Variants in SUSD1 observed in about 807,000 individuals in gnomAD.
SUSD1 encodes sushi domain-containing protein 1.
A neutral mutation model predicts 86.9 loss-of-function variants in SUSD1; 65 were observed. The ratio of observed to expected loss-of-function variants is 0.75; its 90% CI spans 0.61 to 0.92. The LOEUF (loss-of-function observed/expected upper bound fraction) is 0.92, where lower values mean the gene tolerates loss of function less well. SUSD1 is among the 40% of genes least tolerant of loss of function. The pLI, the probability that SUSD1 is intolerant of heterozygous loss-of-function variation, is 0.00. For missense variants in SUSD1, 850 were observed against 929.7 expected (o/e 0.91, Z 1.11); for synonymous variants, 346 against 350.0 (o/e 0.99, Z 0.13).
chr9:112,145,277 C>G (rs958414805), intron 3 of SUSD1, among the ~76,000 whole-genome samples: 1 of 125,210 alleles, frequency 8.0e-6, no homozygotes, highest in African/African-American at 3.1e-5. Context: ...ACCATAATTT[C>G]CTTTTTTTTT....
intron 9 of SUSD1, among the ~76,000 whole-genome samples, chr9:112,099,902 A>C (rs1830554259): frequency 6.6e-6 from 1 of 152,122 alleles, no homozygotes; most frequent in South Asian, 2.1e-4. Context: ...AAACCATCAA[A>C]TGTTGGCCTC....
chr9:112,100,062 T>C (rs940203806), intron 9 of SUSD1, among the ~76,000 whole-genome samples: 1 of 152,242 alleles, frequency 6.6e-6, no homozygotes. Context: ...TAGTGAGGCA[T>C]AATGTGTTCA....
intron 5 of SUSD1, among the ~76,000 whole-genome samples, chr9:112,128,050 G>A (rs1015745321): frequency 3.3e-5 from 5 of 151,238 alleles, no homozygotes; most frequent in African/African-American, 4.9e-5. Context: ...CAATCTTACC[G>A]GCCTCAACTT....
intron 8 of SUSD1, among the ~76,000 whole-genome samples, chr9:112,105,248 A>G (rs1044933536): frequency 6.6e-6 from 1 of 152,192 alleles, no homozygotes; most frequent in Non-Finnish European, 1.5e-5. Flanking sequence ...AAGGCAGAGG[A>G]AAAAGACATG....
rs373089952 is a variant in SUSD1, at chr9:112,058,584, T to C, written c.1953A>G (p.Gly651=). 42 of 1,613,978 alleles carry C rather than the reference T, an allele frequency of 2.6e-5. No homozygotes were observed. The highest frequency in any genetic ancestry group is 3.5e-5 in the Non-Finnish European group (41 of 1,180,006). The change falls in exon 14 of 17, where the codon GGA becomes GGG. Residue 651 remains glycine, a synonymous_variant. Transcript: ENST00000374270. The part of the protein sequence containing the change: ...SFFSNASDAD[G]YVAAELLAKD... ...TGGCCAGTAGTTCTGCAGCCACGTA[T>C]CCATCAGCATCAGAGGCGTTGCTAA...
intron 1 of SUSD1, among the ~76,000 whole-genome samples, chr9:112,163,799 G>A (rs1833667452): frequency 6.6e-6 from 1 of 151,676 alleles, no homozygotes; most frequent in East Asian, 1.9e-4. Flanking sequence ...AGGAGTTTGA[G>A]ACCAGCCTGG....
chr9:112,142,701 C>T, intron 4 of SUSD1: 2 of 528,244 alleles, frequency 3.8e-6, no homozygotes, highest in Non-Finnish European at 6.6e-6. Flanking sequence ...ATAGGTAAAG[C>T]ATCTATACAT....
chr9:112,111,890 T>G, intron 7 of SUSD1, 50 bp from the exon 8 acceptor site: 1 of 1,587,892 alleles, frequency 6.3e-7, no homozygotes. Flanking sequence ...GTCAAAACAA[T>G]CCAGGATTTG....
chr9:112,075,393 G>T (rs1436305649), intron 12 of SUSD1, among the ~76,000 whole-genome samples: 1 of 151,892 alleles, frequency 6.6e-6, no homozygotes, highest in African/African-American at 2.4e-5. Flanking sequence ...TCCTATTTTA[G>T]TGGGAGAGAA....
At position 112,153,677 on chromosome 9, in the gene SUSD1, G is replaced by A. The variant is rs955812947; in HGVS notation, c.217+3823C>T. On this transcript the variant is annotated intron_variant, in intron 2 of 16. Coordinates refer to ENST00000374270, the MANE Select transcript of SUSD1 (RefSeq NM_022486.5). ...CACCCAGGCTGGAGTGCAATGGCGC[G>A]ATCTCGGCTCACTGCAACCTCTGCC... Among the ~76,000 whole-genome samples the A allele has an allele frequency of 8.1e-5, 12 of 147,730 alleles. No homozygotes were observed. The East Asian group carries it at 2.0e-3, about 25-fold the overall frequency.
At chr9:112,114,799 G>C (rs1238917554) in intron 6 of SUSD1, among the ~76,000 whole-genome samples, 2 of 152,158 alleles carry the variant, frequency 1.3e-5, no homozygotes. Flanking sequence ...GTGGGGACAG[G>C]AGCTGGTAGA....
intron 3 of SUSD1, among the ~76,000 whole-genome samples, chr9:112,146,515 G>A (rs867785421): frequency 1.3e-5 from 2 of 151,956 alleles, no homozygotes; most frequent in Admixed American, 6.6e-5. Context: ...GGTCTAGTTC[G>A]GCTGACACCT....
chr9:112,172,442 C>T (rs940247793), intron 1 of SUSD1, among the ~76,000 whole-genome samples: 2 of 152,198 alleles, frequency 1.3e-5, no homozygotes, highest in Non-Finnish European at 2.9e-5. Context: ...CGACTTGCAT[C>T]TACCATCTAA....
chr9:112,127,093 C>T (rs747786040), intron 5 of SUSD1, among the ~76,000 whole-genome samples: 1 of 152,160 alleles, frequency 6.6e-6, no homozygotes, highest in Non-Finnish European at 1.5e-5. Context: ...GAAAGTTGGC[C>T]GGGCACAGAG....
intron 8 of SUSD1, among the ~76,000 whole-genome samples, chr9:112,111,214 G>A (rs889381048): frequency 1.3e-5 from 2 of 151,986 alleles, no homozygotes; most frequent in Non-Finnish European, 2.9e-5. Flanking sequence ...GGCTGGTCTG[G>A]AACTCCTGAC....
intron 5 of SUSD1, among the ~76,000 whole-genome samples, chr9:112,127,035 G>A (rs1429855705): frequency 6.6e-6 from 1 of 152,182 alleles, no homozygotes; most frequent in Non-Finnish European, 1.5e-5. Context: ...ATGGCCAGGA[G>A]TTTAAGGCAT....
At chr9:112,089,649 T>C (rs1830119857) in intron 10 of SUSD1, among the ~76,000 whole-genome samples, 1 of 151,686 alleles carries the variant, frequency 6.6e-6, no homozygotes. Context: ...CTGTCTTTAC[T>C]AAAAATACAA....
chr9:112,074,575 C>T (rs1024358254), intron 12 of SUSD1, among the ~76,000 whole-genome samples: 4 of 152,190 alleles, frequency 2.6e-5, no homozygotes, highest in Non-Finnish European at 5.9e-5. Context: ...TAAGATTTAA[C>T]GTAAGACACT....
chr9:112,165,998 T>C (rs1163490196), intron 1 of SUSD1, among the ~76,000 whole-genome samples: 2 of 75,936 alleles, frequency 2.6e-5, no homozygotes, highest in Admixed American at 1.2e-4. Flanking sequence ...AGAAAGAAAA[T>C]AATTTAGCAT....
Sources: allele counts gnomAD v4.1 joint callset (sites outside exome capture counted in the v4.1 genomes callset), GRCh38; gene constraint gnomAD v4.1.1; transcripts MANE v1.5; gene names NCBI Gene and HGNC (gene_info 2026-07-23, HGNC 2026-07-21).